The following NUDT4 variants were observed in gnomAD, a reference collection of about 807,000 sequenced individuals.
NUDT4 encodes the protein nudix hydrolase 4.
NUDT4 carries 5 observed loss-of-function variants against 23.1 expected under a neutral mutation model. The observed-to-expected ratio is 0.22, with a 90% CI of 0.11 to 0.46. NUDT4 has a LOEUF of 0.46. Ranked by LOEUF, NUDT4 falls within the 20% of genes least tolerant of loss-of-function variation. NUDT4 has a pLI of 0.99. For missense variants in NUDT4, 96 were observed against 211.6 expected (o/e 0.45, Z 3.39); for synonymous variants, 50 against 79.0 (o/e 0.63, Z 1.95).
Position 93,404,620 on chromosome 12 carries a change from G to C in NUDT4, c.*5241G>C, listed in dbSNP as rs1238249952. The C allele has an allele frequency of 6.6e-6, 1 of 152,202 alleles. No individual in the cohort carries two copies. The highest frequency in any genetic ancestry group is 2.4e-5 in the African/African-American group (1 of 41,450). 9.4% of individuals were successfully genotyped at this position (152,202 alleles called of 1,614,324 possible). A position where few individuals can be genotyped will look rare whatever the true frequency, so the allele number is the denominator to read the frequency against. ...TACTGGATACTTTGTGGTTACCAAA[G>C]AGCTATGTGCTGCCACAGGGAGTCC... On this transcript the variant is annotated 3_prime_UTR_variant, in exon 5 of 5. Coordinates refer to ENST00000415493, the MANE Select transcript of NUDT4 (RefSeq NM_019094.6).
chr12:93,379,932 T>A (rs192938111), intron 1 of NUDT4, among the ~76,000 whole-genome samples: 68 of 152,332 alleles, frequency 4.5e-4, no homozygotes, highest in Non-Finnish European at 9.3e-4. Context: ...TGTAATGATA[T>A]TCTTAATTGA....
intron 1 of NUDT4, among the ~76,000 whole-genome samples, chr12:93,381,464 T>C (rs1379704353): frequency 6.6e-6 from 1 of 152,190 alleles, no homozygotes; most frequent in Non-Finnish European, 1.5e-5. Flanking sequence ...TTTGCATATA[T>C]GATAGTTTAA....
At chr12:93,384,961 A>G (rs923412269) in intron 1 of NUDT4, among the ~76,000 whole-genome samples, 4 of 152,100 alleles carry the variant, frequency 2.6e-5, no homozygotes, top group African/African-American at 9.7e-5. Context: ...TTTAAATTTT[A>G]GTTAAGTTTT....
intron 1 of NUDT4, among the ~76,000 whole-genome samples, chr12:93,379,964 C>T (rs1455257739): frequency 1.3e-5 from 2 of 152,232 alleles, no homozygotes; most frequent in African/African-American, 4.8e-5. Context: ...GTGCCAGGCG[C>T]TGCCAGAAGA....
intron 1 of NUDT4, among the ~76,000 whole-genome samples, chr12:93,381,826 T>G (rs1555192681): frequency 1.3e-5 from 2 of 152,198 alleles, no homozygotes. Flanking sequence ...AACATTGAGA[T>G]AGTAGATGTG....
rs996298536 is a variant in NUDT4 at position 93,402,747 on chromosome 12, T to A, written c.*3368T>A. 6 of 152,170 alleles carry A rather than the reference T, an allele frequency of 3.9e-5. No homozygotes were observed. Among genetic ancestry groups the A allele is most frequent in the Admixed American group, 3.9e-4 (6 of 15,284 alleles). The allele number at this position is 152,170 out of a possible 1,614,324, so 9.4% of individuals were successfully genotyped here. A position where few individuals can be genotyped will look rare whatever the true frequency, so the allele number is the denominator to read the frequency against. On this transcript the variant is annotated 3_prime_UTR_variant, in exon 5 of 5. Transcript: ENST00000415493. ...TGTCATTATTTTAATGAATGTGAGC[T>A]CTTGACTTACTCTAGAATTCTAATA...
intron 1 of NUDT4, among the ~76,000 whole-genome samples, chr12:93,385,927 T>G (rs945789878): frequency 4.0e-5 from 5 of 125,794 alleles, no homozygotes; most frequent in Admixed American, 1.7e-4. Context: ...TATATATATA[T>G]ATAGTAAATC....
intron 1 of NUDT4, among the ~76,000 whole-genome samples, chr12:93,387,565 T>C (rs1476740666): frequency 6.6e-6 from 1 of 152,184 alleles, no homozygotes; most frequent in African/African-American, 2.4e-5. Flanking sequence ...AAACACTGAG[T>C]TATGTTTTCA....
At chr12:93,391,877 A>T (rs1055650588) in intron 1 of NUDT4, among the ~76,000 whole-genome samples, 3 of 151,976 alleles carry the variant, frequency 2.0e-5, no homozygotes, top group Non-Finnish European at 4.4e-5. Flanking sequence ...AAATTGACTT[A>T]TTTATTTTTA....
intron 1 of NUDT4, among the ~76,000 whole-genome samples, chr12:93,384,185 T>C (rs76049108): frequency 3.5e-5 from 5 of 141,314 alleles, no homozygotes; most frequent in Non-Finnish European, 7.6e-5. Context: ...GTGCCCAAGC[T>C]TTTTTTTTTT....
At position 93,399,174 on chromosome 12, in the gene NUDT4, TAGGA is replaced by T. The variant is rs1437910933; in HGVS notation, c.345_348del (p.Lys116GlufsTer6). 1 of 1,607,840 alleles carries T rather than the reference TAGGA, an allele frequency of 6.2e-7. No homozygotes were observed. The highest frequency in any genetic ancestry group is 8.5e-7 in the Non-Finnish European group (1 of 1,174,426). ...TTGTAACCAATGTCATTCTTTTCTCTAGGAAGGAAGAGAGAGTGGTTCAAAGTAG... is the reference window on the plus strand; with the variant it reads ...TTGTAACCAATGTCATTCTTTTCTCTAGGAAGAGAGAGTGGTTCAAAGTAG... On this transcript the variant is annotated splice_acceptor_variant and coding_sequence_variant, in exon 5 of 5. Transcript: ENST00000415493. LOFTEE classifies it high-confidence loss of function.
rs375831193 is a variant in NUDT4 at position 93,377,931 on chromosome 12, C to T, written c.-392C>T. The T allele has an allele frequency of 3.2e-5, 10 of 311,398 alleles. No individual in the cohort carries two copies. The highest frequency in any genetic ancestry group is 2.6e-4 in the East Asian group (3 of 11,426). 19.3% of individuals were successfully genotyped at this position (311,398 alleles called of 1,614,324 possible). On this transcript the variant is annotated 5_prime_UTR_variant, in exon 1 of 5. Coordinates refer to ENST00000415493, the MANE Select transcript of NUDT4 (RefSeq NM_019094.6). Reference sequence around the variant, plus strand: ...AGCAGAGGGGGCGGCGCGCGGTCGCCGCGGTGCTGCTGCTCAGTGGGAGCG... The same window carrying T: ...AGCAGAGGGGGCGGCGCGCGGTCGCTGCGGTGCTGCTGCTCAGTGGGAGCG...
At chr12:93,388,895 C>A (rs1185942390) in intron 1 of NUDT4, among the ~76,000 whole-genome samples, 8 of 152,048 alleles carry the variant, frequency 5.3e-5, no homozygotes, top group Non-Finnish European at 1.2e-4. Context: ...CTAGTGGTGA[C>A]TGTGTTAGCT....
intron 1 of NUDT4, among the ~76,000 whole-genome samples, chr12:93,382,558 G>A (rs181729785): frequency 3.3e-5 from 5 of 151,980 alleles, no homozygotes; most frequent in Admixed American, 3.3e-4. Flanking sequence ...TCAACAGTCA[G>A]TCCACCCTTT....
Position 93,385,970 on chromosome 12 carries a change from T to TATATATATATATATATATATATAC in NUDT4, c.99+7550_99+7551insTATATATATATATATATATATACA, listed in dbSNP as rs1243696865. ...ATATATATATATATATATATATATA[T>TATATATATATATATATATATATAC]ACATAATTTTTTTTTTCTTTTTGAG... On this transcript the variant is annotated intron_variant, in intron 1 of 4. Transcript: ENST00000415493. Among the ~76,000 whole-genome samples, 66 of 118,564 alleles carry TATATATATATATATATATATATAC rather than the reference T, an allele frequency of 5.6e-4. 1 individual carries two copies. The highest frequency in any genetic ancestry group is 8.4e-4 in the Non-Finnish European group (47 of 55,866). 77.8% of individuals were successfully genotyped at this position (118,564 alleles called of 152,430 possible). A position where few individuals can be genotyped will look rare whatever the true frequency, so the allele number is the denominator to read the frequency against.
intron 1 of NUDT4, among the ~76,000 whole-genome samples, chr12:93,379,990 T>G (rs1476976410): frequency 6.6e-6 from 1 of 152,244 alleles, no homozygotes; most frequent in Non-Finnish European, 1.5e-5. Context: ...TGTTATACAT[T>G]TAATCCTTTT....
At chr12:93,387,261 A>T (rs975370912) in intron 1 of NUDT4, among the ~76,000 whole-genome samples, 1 of 152,166 alleles carries the variant, frequency 6.6e-6, no homozygotes, top group African/African-American at 2.4e-5. Flanking sequence ...CTCTTTACAA[A>T]ACGTGTTTTT....
intron 1 of NUDT4, chr12:93,378,850 C>G: frequency 2.2e-6 from 2 of 928,152 alleles, no homozygotes; most frequent in Non-Finnish European, 2.6e-6. Context: ...ATGTTACAGC[C>G]GTTTGCGGTC....
In NUDT4 at chr12:93,406,001, C is replaced by G. The variant is rs1045770014; in HGVS notation, c.*6622C>G. The G allele has an allele frequency of 5.3e-5, 8 of 152,128 alleles. No homozygotes were observed. Among genetic ancestry groups the G allele is most frequent in the African/African-American group, 1.9e-4 (8 of 41,412 alleles). The allele number at this position is 152,128 out of a possible 1,614,324, so 9.4% of individuals were successfully genotyped here. A position where few individuals can be genotyped will look rare whatever the true frequency, so the allele number is the denominator to read the frequency against. ...GATGTGGCAGGGCTGGGCACGGTGG[C>G]TCACGCCTGTAATCCCAGCACTTTG... On this transcript the variant is annotated 3_prime_UTR_variant, in exon 5 of 5. Transcript: ENST00000415493.
Sources: allele counts gnomAD v4.1 joint callset (sites outside exome capture counted in the v4.1 genomes callset), GRCh38; gene constraint gnomAD v4.1.1; transcripts MANE v1.5; gene names NCBI Gene and HGNC (gene_info 2026-07-23, HGNC 2026-07-21).